The following UBXN2A variants were observed in gnomAD, a reference collection of about 807,000 sequenced individuals.
UBXN2A encodes the protein UBX domain protein 2A, also known as UBX domain-containing protein 2A.
A neutral mutation model predicts 28.4 loss-of-function variants in UBXN2A; 28 were observed. The observed-to-expected ratio is 0.99, with a 90% CI of 0.73 to 1.35. UBXN2A has a LOEUF of 1.35. UBXN2A is among the 40% of genes most tolerant of loss of function. UBXN2A has a pLI of 0.00. For synonymous variants in UBXN2A, 97 were observed against 103.6 expected, an observed-to-expected ratio of 0.94 and a Z score of 0.39; for missense variants, 253 against 297.9, an observed-to-expected ratio of 0.85 and a Z score of 1.11.
intron 1 of UBXN2A, among the ~76,000 whole-genome samples, chr2:23,929,898 T>C (rs771178074): frequency 9.9e-5 from 15 of 152,128 alleles, no homozygotes; most frequent in Non-Finnish European, 1.3e-4. Context: ...TAACTTTATT[T>C]ATTTATTTGA....
chr2:23,971,176 G>A, intron 2 of UBXN2A, 100 bp from the exon 3 acceptor site: 2 of 1,292,898 alleles, frequency 1.5e-6, no homozygotes, highest in Non-Finnish European at 2.1e-6. Flanking sequence ...CTACAGACAT[G>A]CACGTAGCAT....
At chr2:23,982,518 G>T (rs1195393439) in intron 4 of UBXN2A, among the ~76,000 whole-genome samples, 1 of 151,020 alleles carries the variant, frequency 6.6e-6, no homozygotes, top group Admixed American at 6.6e-5. Context: ...ATGCTGGTTG[G>T]GGGGCAGTGG....
intron 2 of UBXN2A, among the ~76,000 whole-genome samples, chr2:23,965,338 T>A (rs373782888): frequency 1.3e-5 from 2 of 152,236 alleles, no homozygotes; most frequent in African/African-American, 4.8e-5. Context: ...TTAAATATGA[T>A]GTTAGATGTA....
At chr2:23,985,315 C>G (rs937358990) in intron 6 of UBXN2A, among the ~76,000 whole-genome samples, 2 of 152,172 alleles carry the variant, frequency 1.3e-5, no homozygotes, top group Admixed American at 1.3e-4. Flanking sequence ...GTGGCACGAT[C>G]TCAGCTCACT....
At chr2:23,945,944 C>T (rs1477608345) in intron 1 of UBXN2A, among the ~76,000 whole-genome samples, 2 of 151,616 alleles carry the variant, frequency 1.3e-5, no homozygotes, top group Non-Finnish European at 2.9e-5. Context: ...AATTCTCGTG[C>T]CTCAGCCTCC....
In UBXN2A at chr2:24,001,146, A is replaced by G. The variant is rs972011149; in HGVS notation, c.*1279A>G. 1.3e-5 allele frequency: 2 copies of G among 152,266 alleles called. No homozygotes were observed. The highest frequency in any genetic ancestry group is 4.8e-5 in the African/African-American group (2 of 41,562). The allele number at this position is 152,266 out of a possible 1,614,324, so 9.4% of individuals were successfully genotyped here. A position where few individuals can be genotyped will look rare whatever the true frequency, so the allele number is the denominator to read the frequency against. On this transcript the variant is annotated 3_prime_UTR_variant, in exon 7 of 7. Coordinates refer to ENST00000309033, the MANE Select transcript of UBXN2A (RefSeq NM_181713.4). ...GCTGGGATTACAGGCATGCGCCACC[A>G]TGCTTGGCTAATTTTGCATTTTTAG...
intron 1 of UBXN2A, among the ~76,000 whole-genome samples, chr2:23,956,988 G>A (rs977984240): frequency 4.6e-5 from 7 of 152,240 alleles, no homozygotes; most frequent in South Asian, 4.1e-4. Flanking sequence ...TGCAGATAAC[G>A]TATGCACATC....
At chr2:23,944,418 T>C in intron 1 of UBXN2A, 1 of 1,082,558 alleles carries the variant, frequency 9.2e-7, no homozygotes, top group East Asian at 2.6e-5. Flanking sequence ...AGTTTGTCAG[T>C]CTTATCTCCA....
At chr2:23,936,185 G>A (rs780287866), upstream of UBXN2A, among the ~76,000 whole-genome samples, 19 of 152,120 alleles carry the variant, frequency 1.2e-4, no homozygotes, top group Non-Finnish European at 2.4e-4. Context: ...ATAGCAGAAA[G>A]GTGGAAGCAA....
chr2:23,996,560 T>C (rs1708541288), intron 6 of UBXN2A, among the ~76,000 whole-genome samples: 1 of 145,364 alleles, frequency 6.9e-6, no homozygotes, highest in Admixed American at 6.9e-5. Context: ...CACTGCAACC[T>C]CCACCTTACG....
chr2:23,996,774 C>G (rs1708551308), intron 6 of UBXN2A: 1 of 136,620 alleles, frequency 7.3e-6, no homozygotes, highest in Non-Finnish European at 1.6e-5. Flanking sequence ...CATGCCCAGA[C>G]TTTTTTTTTT....
intron 1 of UBXN2A, among the ~76,000 whole-genome samples, chr2:23,956,741 T>G (rs1210732954): frequency 6.6e-6 from 1 of 152,230 alleles, no homozygotes; most frequent in East Asian, 1.9e-4. Flanking sequence ...TATCCTTTTC[T>G]TGAAGGAGCA....
At chr2:23,983,132 C>T in intron 5 of UBXN2A, 99 bp downstream of exon 5, 1 of 1,264,366 alleles carries the variant, frequency 7.9e-7, no homozygotes, top group Non-Finnish European at 1.0e-6. Flanking sequence ...TGGAGCTTAT[C>T]ATTTCTCCCA....
chr2:23,973,789 C>T (rs75217776), intron 3 of UBXN2A, among the ~76,000 whole-genome samples: 4 of 151,948 alleles, frequency 2.6e-5, no homozygotes, highest in East Asian at 1.9e-4. Context: ...TGCACCACCA[C>T]GCCTAGCTAA....
At chr2:23,991,213 TG>T (rs1370435812) in intron 6 of UBXN2A, among the ~76,000 whole-genome samples, 1 of 152,198 alleles carries the variant, frequency 6.6e-6, no homozygotes, top group Non-Finnish European at 1.5e-5. Flanking sequence ...TATTTACTTC[TG>T]TCAATGTTTG....
intron 2 of UBXN2A, among the ~76,000 whole-genome samples, chr2:23,962,605 C>CTTTT (rs1160440950): frequency 7.7e-4 from 101 of 130,664 alleles, no homozygotes; most frequent in Middle Eastern, 4.3e-3. Flanking sequence ...TTTTTTTATT[C>CTTTT]TTTTTTTTTT....
intron 3 of UBXN2A, among the ~76,000 whole-genome samples, chr2:23,974,316 C>G (rs1277427435): frequency 4.0e-5 from 6 of 148,198 alleles, no homozygotes; most frequent in Non-Finnish European, 8.9e-5. Context: ...CGTGCCTGGC[C>G]AAAAAATGAT....
In UBXN2A at chr2:24,001,392, T is replaced by C. The variant is rs536610402; in HGVS notation, c.*1525T>C. On this transcript the variant is annotated 3_prime_UTR_variant, in exon 7 of 7. Coordinates refer to ENST00000309033, the MANE Select transcript of UBXN2A (RefSeq NM_181713.4). ...CAGGCTTTATATCTCAGACTTTAACTAAATCCAGTTAGACCTCAATTTTTC... is the reference window on the plus strand; with the variant it reads ...CAGGCTTTATATCTCAGACTTTAACCAAATCCAGTTAGACCTCAATTTTTC... 1 of 152,318 alleles carries C rather than the reference T, an allele frequency of 6.6e-6. No homozygotes were observed. The highest frequency in any genetic ancestry group is 6.5e-5 in the Admixed American group (1 of 15,284). 9.4% of individuals were successfully genotyped at this position (152,318 alleles called of 1,614,324 possible). A position where few individuals can be genotyped will look rare whatever the true frequency, so the allele number is the denominator to read the frequency against.
intron 1 of UBXN2A, among the ~76,000 whole-genome samples, chr2:23,933,607 A>T (rs1357297856): frequency 6.6e-6 from 1 of 152,226 alleles, no homozygotes; most frequent in East Asian, 1.9e-4. Context: ...CTGTAGTCCC[A>T]GCTACTCAGG....
Sources: gnomAD v4.1 joint callset for allele counts (sites outside exome capture counted in the v4.1 genomes callset) on GRCh38, gnomAD v4.1.1 for gene constraint, MANE v1.5 for transcripts, NCBI Gene and HGNC (gene_info 2026-07-23, HGNC 2026-07-21) for gene names.